Variants in ERAP1 observed in about 807,000 individuals in gnomAD.
The protein encoded by ERAP1 is endoplasmic reticulum aminopeptidase 1.
Under a neutral mutation model 103.7 loss-of-function variants are expected in ERAP1, and 86 were observed. The ratio of observed to expected loss-of-function variants is 0.83; its 90% CI spans 0.70 to 0.99. The LOEUF is 0.99. Among genes scored for constraint, ERAP1 ranks in the 50% least tolerant of loss-of-function variants. The pLI is 0.00. For missense variants in ERAP1, 1,009 were observed against 1,128.4 expected, an observed-to-expected ratio of 0.89 and a Z score of 1.52; for synonymous variants, 398 against 402.4, an observed-to-expected ratio of 0.99 and a Z score of 0.13.
exon 20 of ERAP1, chr5:96,762,257 ATTT>A: frequency 6.3e-7 from 1 of 1,575,410 alleles, no homozygotes; most frequent in Non-Finnish European, 8.7e-7. Flanking sequence ...TACTAATAAA[ATTT>A]TTTTCAATAA....
the ERAP1 span, among the ~76,000 whole-genome samples, chr5:96,835,773 G>A: frequency 6.6e-6 from 1 of 152,158 alleles, no homozygotes; most frequent in Non-Finnish European, 1.5e-5. Flanking sequence ...TACTTAGTAG[G>A]TACTACAAAC....
At chr5:96,891,572 T>TACAC in the ERAP1 span, among the ~76,000 whole-genome samples, 4 of 133,264 alleles carry the variant, frequency 3.0e-5, no homozygotes, top group South Asian at 2.7e-4. Context: ...ACATATATGG[T>TACAC]ACACACACAC....
At chr5:96,881,639 T>C in the ERAP1 span, among the ~76,000 whole-genome samples, 1 of 152,166 alleles carries the variant, frequency 6.6e-6, no homozygotes, top group Non-Finnish European at 1.5e-5. Context: ...TATAGTGCTG[T>C]TCAGAGTCAT....
At chr5:96,778,516 C>G (rs1774680988) in intron 18 of ERAP1, among the ~76,000 whole-genome samples, 1 of 152,068 alleles carries the variant, frequency 6.6e-6, no homozygotes, top group Non-Finnish European at 1.5e-5. Context: ...TGAGTGGCTA[C>G]AGTGTTATGA....
At chr5:96,891,517 GCCC>G in the ERAP1 span, among the ~76,000 whole-genome samples, 1 of 136,858 alleles carries the variant, frequency 7.3e-6, no homozygotes, top group African/African-American at 2.8e-5. Flanking sequence ...ATATATATAT[GCCC>G]ATATACGGTA....
chr5:96,887,072 A>ATT, the ERAP1 span, among the ~76,000 whole-genome samples: 1 of 61,702 alleles, frequency 1.6e-5, no homozygotes, highest in Non-Finnish European at 3.8e-5. Context: ...TAATTTTCAA[A>ATT]GTATATATAT....
intron 13 of ERAP1, chr5:96,785,483 G>A (rs1240342361): frequency 7.6e-6 from 3 of 394,086 alleles, no homozygotes; most frequent in Non-Finnish European, 1.4e-5. Context: ...CCATGCCGCG[G>A]GGACAAGGCA....
the ERAP1 span, among the ~76,000 whole-genome samples, chr5:96,871,348 C>CT: frequency 1.3e-5 from 2 of 152,242 alleles, no homozygotes; most frequent in South Asian, 2.1e-4. Flanking sequence ...TTTTGTTCAT[C>CT]TTTTTTTGGT....
At chr5:96,903,153 T>C in the ERAP1 span, among the ~76,000 whole-genome samples, 1 of 152,170 alleles carries the variant, frequency 6.6e-6, no homozygotes, top group Non-Finnish European at 1.5e-5. Flanking sequence ...TTAGAACAAA[T>C]TCAGCAGTCT....
intron 8 of ERAP1, among the ~76,000 whole-genome samples, chr5:96,791,333 C>A (rs1776709444): frequency 6.6e-6 from 1 of 152,164 alleles, no homozygotes; most frequent in African/African-American, 2.4e-5. Context: ...CTTTTACATT[C>A]TTTTTCCCCT....
chr5:96,812,862 T>A (rs1371618705), upstream of ERAP1, among the ~76,000 whole-genome samples: 1 of 152,248 alleles, frequency 6.6e-6, no homozygotes, highest in Non-Finnish European at 1.5e-5. Context: ...TTGGCTTAAG[T>A]GAAGTCTGTG....
At chr5:96,915,208 C>A in the ERAP1 span, among the ~76,000 whole-genome samples, 7 of 152,192 alleles carry the variant, frequency 4.6e-5, no homozygotes, top group East Asian at 1.2e-3. Context: ...AGGGTTTCTC[C>A]ATGCTGGTCA....
chr5:96,883,936 T>C, the ERAP1 span: 14 of 1,565,934 alleles, frequency 8.9e-6, no homozygotes, highest in Non-Finnish European at 9.5e-6. Context: ...CAAAGGTATG[T>C]CCACTTCCAG....
chr5:96,891,535 TAC>T, the ERAP1 span, among the ~76,000 whole-genome samples: 60,756 of 138,372 alleles, frequency 0.44, 13,768 homozygotes, highest in East Asian at 0.53. Flanking sequence ...ACGGTATATA[TAC>T]ACACACACAC....
chr5:96,859,092 C>T, the ERAP1 span, among the ~76,000 whole-genome samples: 1 of 151,828 alleles, frequency 6.6e-6, no homozygotes, highest in Admixed American at 6.6e-5. Context: ...CACACACACA[C>T]ACACACACAC....
chr5:96,915,912 G>GGAA, the ERAP1 span: 3 of 595,888 alleles, frequency 5.0e-6, no homozygotes, highest in Admixed American at 6.7e-5. Context: ...GCAAGTAAAT[G>GGAA]GAAGGGACAG....
chr5:96,908,961 T>C, the ERAP1 span: 1 of 1,613,852 alleles, frequency 6.2e-7, no homozygotes, highest in South Asian at 1.1e-5. Flanking sequence ...TATACTTCAG[T>C]GCAGGGAGAC....
intron 2 of ERAP1, among the ~76,000 whole-genome samples, chr5:96,801,854 C>CAAAAAAAAA (rs59332218): frequency 9.1e-5 from 5 of 54,686 alleles, no homozygotes; most frequent in African/African-American, 2.8e-4. Context: ...TCCGTCTCGA[C>CAAAAAAAAA]AAAAAAAAAA....
At chr5:96,873,244 T>A in the ERAP1 span, 1 of 412,034 alleles carries the variant, frequency 2.4e-6, no homozygotes, top group Non-Finnish European at 4.9e-6. Context: ...CAATAAAGTC[T>A]CATCTCTTTG....
Sources: allele counts gnomAD v4.1 joint callset (sites outside exome capture counted in the v4.1 genomes callset), GRCh38; gene constraint gnomAD v4.1.1; transcripts MANE v1.5; gene names NCBI Gene and HGNC (gene_info 2026-07-23, HGNC 2026-07-21).